Variants in TMEM132D observed in about 807,000 individuals in gnomAD.
TMEM132D encodes the protein mature OL transmembrane protein.
A neutral mutation model predicts 62.3 loss-of-function variants in TMEM132D; 21 were observed. The ratio of observed to expected loss-of-function variants is 0.34; its 90% CI spans 0.24 to 0.49. The LOEUF is 0.49. Among genes scored for constraint, TMEM132D ranks in the 20% least tolerant of loss-of-function variants. TMEM132D has a pLI of 0.99. For synonymous variants in TMEM132D, 621 were observed against 575.6 expected (o/e 1.08, Z -1.13); for missense variants, 1,346 against 1,402.8 (o/e 0.96, Z 0.65).
intron 2 of TMEM132D, among the ~76,000 whole-genome samples, chr12:129,569,693 G>T (rs745487701): frequency 1.3e-5 from 2 of 152,140 alleles, no homozygotes; most frequent in African/African-American, 2.4e-5. Context: ...CACCCTCAAC[G>T]CTGACCCTGC....
chr12:129,801,803 G>T (rs1352328188), intron 1 of TMEM132D, among the ~76,000 whole-genome samples: 1,987 of 147,810 alleles, frequency 0.013, 42 homozygotes, highest in African/African-American at 0.048. Context: ...AAATTTAGAA[G>T]AATGTATAAC....
chr12:129,199,054 T>A (rs950109769), intron 5 of TMEM132D, among the ~76,000 whole-genome samples: 2 of 151,448 alleles, frequency 1.3e-5, no homozygotes, highest in Admixed American at 1.3e-4. Flanking sequence ...CCAATAAGTA[T>A]TAAAACATCA....
At chr12:129,591,130 C>T (rs1003928570) in intron 2 of TMEM132D, among the ~76,000 whole-genome samples, 1 of 152,086 alleles carries the variant, frequency 6.6e-6, no homozygotes, top group Admixed American at 6.6e-5. Context: ...ATACAAACTC[C>T]GAATAGCAGG....
At position 129,084,698 on chromosome 12, in the gene TMEM132D, G is replaced by T; in HGVS notation, c.1448C>A (p.Ser483Tyr). 6.2e-7 allele frequency: 1 copy of T among 1,613,910 alleles called. No individual in the cohort carries two copies. The highest frequency in any genetic ancestry group is 8.5e-7 in the Non-Finnish European group (1 of 1,179,944). Residue 483 changes from serine (S) to tyrosine (Y), a missense_variant, in exon 6 of 9, where the codon TCT becomes TAT. By Grantham distance (144) the Ser-to-Tyr change is moderately radical. Coordinates refer to ENST00000422113, the MANE Select transcript of TMEM132D (RefSeq NM_133448.3). Reference protein sequence around the residue: ...RSSDEDVIKVSDRCDYVFVNG... With the variant: ...RSSDEDVIKVYDRCDYVFVNG... ...GACAAAGACGTAGTCACATCTGTCA[G>T]AAACCTGTGAAGAGGTGAGAGAGAA... is the stretch of plus-strand genomic sequence containing the variant.
At chr12:129,467,815 G>C (rs751021291) in intron 3 of TMEM132D, among the ~76,000 whole-genome samples, 13 of 152,286 alleles carry the variant, frequency 8.5e-5, no homozygotes, top group Middle Eastern at 3.4e-3. Context: ...TGATTGCTAG[G>C]CAGCAGGATT....
intron 2 of TMEM132D, among the ~76,000 whole-genome samples, chr12:129,587,866 C>T (rs1025036992): frequency 5.9e-5 from 9 of 152,138 alleles, no homozygotes; most frequent in South Asian, 2.1e-4. Context: ...TAAAATCGCA[C>T]GCATGGTGCC....
chr12:129,645,381 G>T (rs1413345524), intron 2 of TMEM132D, among the ~76,000 whole-genome samples: 2 of 152,038 alleles, frequency 1.3e-5, no homozygotes, highest in African/African-American at 4.8e-5. Flanking sequence ...GCCTCAGGGT[G>T]GTATAGAAGC....
intron 4 of TMEM132D, among the ~76,000 whole-genome samples, chr12:129,274,299 G>C (rs1880942542): frequency 6.7e-6 from 1 of 149,306 alleles, no homozygotes; most frequent in African/African-American, 2.6e-5. Flanking sequence ...CAGCATTCTT[G>C]GGTCTAGAGT....
chr12:129,321,868 C>T (rs1566032916), intron 4 of TMEM132D, among the ~76,000 whole-genome samples: 1 of 152,244 alleles, frequency 6.6e-6, no homozygotes, highest in Non-Finnish European at 1.5e-5. Flanking sequence ...CGAGGCAGAC[C>T]TTTTCAGTCC....
rs139891975 is a variant in TMEM132D at position 129,286,829 on chromosome 12, C to T, written c.1299+50805G>A. 1.7e-3 allele frequency among the ~76,000 whole-genome samples: 252 copies of T among 152,238 alleles called. 1 individual carries two copies. The highest frequency in any genetic ancestry group is 5.4e-3 in the African/African-American group (225 of 41,556). Reference sequence around the variant, plus strand: ...TCGGGAGGCCAAGGCAGGTGGATGGCTTGAGGCTGGGAGTTTGAGACCAGC... The same window carrying T: ...TCGGGAGGCCAAGGCAGGTGGATGGTTTGAGGCTGGGAGTTTGAGACCAGC... On this transcript the variant is annotated intron_variant, in intron 4 of 8. Coordinates refer to ENST00000422113, the MANE Select transcript of TMEM132D (RefSeq NM_133448.3).
intron 3 of TMEM132D, among the ~76,000 whole-genome samples, chr12:129,485,694 C>A (rs1204373945): frequency 1.3e-5 from 2 of 152,194 alleles, no homozygotes; most frequent in African/African-American, 4.8e-5. Flanking sequence ...GAACATGCCC[C>A]TTTGTGTGGC....
intron 2 of TMEM132D, among the ~76,000 whole-genome samples, chr12:129,666,472 T>C (rs7489302): frequency 0.24 from 36,979 of 152,142 alleles, 4,783 homozygotes; most frequent in Admixed American, 0.3. Flanking sequence ...TTAAAGATTA[T>C]TGGTAAAATA....
intron 1 of TMEM132D, among the ~76,000 whole-genome samples, chr12:129,887,504 C>T (rs575302469): frequency 3.9e-4 from 59 of 152,122 alleles, no homozygotes; most frequent in Non-Finnish European, 7.6e-4. Context: ...AAATTTTCCT[C>T]TCTATTTGTT....
intron 2 of TMEM132D, among the ~76,000 whole-genome samples, chr12:129,605,954 T>C (rs1263424947): frequency 6.6e-6 from 1 of 152,142 alleles, no homozygotes; most frequent in Non-Finnish European, 1.5e-5. Flanking sequence ...CCTGCTGTAC[T>C]GTGGCCTCCA....
At chr12:129,234,027 T>G (rs1236296422) in intron 4 of TMEM132D, among the ~76,000 whole-genome samples, 1 of 152,340 alleles carries the variant, frequency 6.6e-6, no homozygotes, top group East Asian at 1.9e-4. Flanking sequence ...ATTATTTCAT[T>G]TTCTCAACCA....
In TMEM132D at chr12:129,703,148, T is replaced by G. The variant is rs367952718; in HGVS notation, c.80-2450A>C. ...AACAGCCAAAGCCAGACAACCAAAT[T>G]ACAGATGCTTAAATGTTAATGCCAG... is the stretch of plus-strand genomic sequence containing the variant. On this transcript the variant is annotated intron_variant, in intron 1 of 8. Transcript: ENST00000422113. Among the ~76,000 whole-genome samples, 251 of 152,274 alleles carry G rather than the reference T, an allele frequency of 1.6e-3. 1 individual carries two copies. Among genetic ancestry groups the G allele is most frequent in the African/African-American group, 5.9e-3 (244 of 41,554 alleles).
At chr12:129,329,668 C>T (rs1465363534) in intron 4 of TMEM132D, among the ~76,000 whole-genome samples, 1 of 152,130 alleles carries the variant, frequency 6.6e-6, no homozygotes, top group Non-Finnish European at 1.5e-5. Context: ...CTCGCAAATC[C>T]ATGTGTATTC....
At chr12:129,665,682 G>C (rs901355881) in intron 2 of TMEM132D, among the ~76,000 whole-genome samples, 8 of 152,124 alleles carry the variant, frequency 5.3e-5, no homozygotes, top group Non-Finnish European at 1.2e-4. Context: ...TATGGGTAGA[G>C]ACTTGCTATG....
At chr12:129,270,086 A>T (rs144481264) in intron 4 of TMEM132D, among the ~76,000 whole-genome samples, 49 of 152,274 alleles carry the variant, frequency 3.2e-4, no homozygotes, top group African/African-American at 1.0e-3. Context: ...GGCTTTTCAG[A>T]GTCTCAATTT....
Sources: allele counts gnomAD v4.1 joint callset (sites outside exome capture counted in the v4.1 genomes callset), GRCh38; gene constraint gnomAD v4.1.1; transcripts MANE v1.5; gene names NCBI Gene and HGNC (gene_info 2026-07-23, HGNC 2026-07-21).